Variants in RGS9 observed in about 807,000 individuals in gnomAD.
RGS9 encodes the protein regulator of G protein signaling 9, also known as regulator of G-protein signalling 9.
In RGS9, 78 loss-of-function variants were observed where a neutral mutation model predicts 102.0. The ratio of observed to expected loss-of-function variants is 0.76; its 90% CI spans 0.64 to 0.92. RGS9 has a LOEUF of 0.92. Ranked by LOEUF, RGS9 falls within the 40% of genes least tolerant of loss-of-function variation. The pLI is 0.00. For missense variants in RGS9, 833 were observed against 866.1 expected, an observed-to-expected ratio of 0.96 and a Z score of 0.48; for synonymous variants, 353 against 318.6, an observed-to-expected ratio of 1.11 and a Z score of -1.15.
At chr17:65,155,597 G>A (rs1363358187) in intron 2 of RGS9, among the ~76,000 whole-genome samples, 1 of 152,142 alleles carries the variant, frequency 6.6e-6, no homozygotes, top group Non-Finnish European at 1.5e-5. Context: ...CTGGAGTGCA[G>A]TCATAAAATT....
At chr17:65,220,793 T>C (rs1913680686) in intron 17 of RGS9, among the ~76,000 whole-genome samples, 1 of 152,234 alleles carries the variant, frequency 6.6e-6, no homozygotes, top group Non-Finnish European at 1.5e-5. Flanking sequence ...ATGCCTGTGA[T>C]TGTGTTCTCA....
chr17:65,175,802 T>C (rs1363740374), intron 8 of RGS9, among the ~76,000 whole-genome samples: 1 of 152,222 alleles, frequency 6.6e-6, no homozygotes, highest in Non-Finnish European at 1.5e-5. Context: ...GCTAGGTTGC[T>C]AGATTTAGCA....
At chr17:65,163,441 C>T (rs1284968190) in intron 7 of RGS9, among the ~76,000 whole-genome samples, 2 of 152,046 alleles carry the variant, frequency 1.3e-5, no homozygotes, top group Non-Finnish European at 2.9e-5. Context: ...ATCAGCCTGC[C>T]TCAGTCTCCC....
intron 16 of RGS9, 102 bp from the exon 17 acceptor site, chr17:65,210,386 G>T: frequency 7.2e-7 from 1 of 1,397,594 alleles, no homozygotes. Flanking sequence ...ACAAAATATA[G>T]ATTCTGGACC....
chr17:65,167,804 A>C (rs1351118400), intron 7 of RGS9, among the ~76,000 whole-genome samples: 1 of 152,136 alleles, frequency 6.6e-6, no homozygotes, highest in Admixed American at 6.5e-5. Context: ...TGGTGGCGGC[A>C]ATATGATCTC....
intron 9 of RGS9, among the ~76,000 whole-genome samples, chr17:65,179,462 G>A (rs1050041659): frequency 1.3e-5 from 2 of 151,638 alleles, no homozygotes; most frequent in Non-Finnish European, 2.9e-5. Context: ...TCGAGTAAAA[G>A]ATTGAACCTG....
chr17:65,190,013 C>T lies in RGS9; in HGVS notation c.685-162C>T, dbSNP rs557057741. ...CCACTGATTTGAAGTCTGTGGTCAT[C>T]TGTCCACTGTGGGCCTGACCCACTG... On this transcript the variant is annotated intron_variant, in intron 10 of 18. Coordinates refer to ENST00000262406, the MANE Select transcript of RGS9 (RefSeq NM_003835.4). 2.6e-5 allele frequency among the ~76,000 whole-genome samples: 4 copies of T among 152,194 alleles called. No individual in the cohort carries two copies. The South Asian group carries it at 8.3e-4, about 32-fold the overall frequency.
intron 16 of RGS9, among the ~76,000 whole-genome samples, chr17:65,208,654 T>G (rs1913165847): frequency 6.6e-6 from 1 of 152,110 alleles, no homozygotes; most frequent in Non-Finnish European, 1.5e-5. Context: ...AAATATAAAT[T>G]GAATGGCAGC....
chr17:65,163,850 G>C (rs1911077500), intron 7 of RGS9, among the ~76,000 whole-genome samples: 2 of 152,232 alleles, frequency 1.3e-5, no homozygotes, highest in Non-Finnish European at 2.9e-5. Context: ...ATGGAATTAG[G>C]AAGATGTGAA....
chr17:65,221,521 C>T (rs1402884509), intron 17 of RGS9, among the ~76,000 whole-genome samples: 1 of 152,166 alleles, frequency 6.6e-6, no homozygotes, highest in Non-Finnish European at 1.5e-5. Flanking sequence ...ACAGACCTGG[C>T]CTCAGGTTCT....
intron 1 of RGS9, among the ~76,000 whole-genome samples, chr17:65,147,220 C>T (rs1295298800): frequency 6.6e-6 from 1 of 152,172 alleles, no homozygotes; most frequent in Non-Finnish European, 1.5e-5. Context: ...ATTCTGTGAG[C>T]CGAGAATGTG....
chr17:65,152,371 G>C (rs980004907), intron 1 of RGS9, among the ~76,000 whole-genome samples: 6 of 152,186 alleles, frequency 3.9e-5, no homozygotes, highest in Non-Finnish European at 5.9e-5. Context: ...CGAACATGTA[G>C]ACCAGTAGGG....
In RGS9 at chr17:65,225,866, G is replaced by A. The variant is rs1009124032; in HGVS notation, c.1892+380G>A. The stretch of plus-strand genomic sequence containing the variant: ...CAGTGGGAGCTGCAGGTGTTGGGAT[G>A]CCCTGGGCATGCTTCTGGGTGCTCC... On this transcript the variant is annotated intron_variant, in intron 18 of 18. Coordinates refer to ENST00000262406, the MANE Select transcript of RGS9 (RefSeq NM_003835.4). Among the ~76,000 whole-genome samples the A allele has an allele frequency of 3.3e-5, 5 of 152,218 alleles. No homozygotes were observed. In the East Asian group the frequency reaches 9.6e-4, roughly 29 times the overall value.
chr17:65,182,825 A>T (rs1455587851), intron 9 of RGS9, among the ~76,000 whole-genome samples: 1 of 152,042 alleles, frequency 6.6e-6, no homozygotes, highest in Non-Finnish European at 1.5e-5. Flanking sequence ...GCCGCCCAAG[A>T]CCCCACCCTC....
chr17:65,156,332 T>C (rs1008105085), intron 2 of RGS9, among the ~76,000 whole-genome samples: 1 of 152,176 alleles, frequency 6.6e-6, no homozygotes, highest in African/African-American at 2.4e-5. Context: ...CCAGAGTCCA[T>C]ATTCTTATCT....
intron 17 of RGS9, among the ~76,000 whole-genome samples, chr17:65,222,776 C>T (rs1905413915): frequency 6.6e-6 from 1 of 152,170 alleles, no homozygotes; most frequent in Admixed American, 6.5e-5. Flanking sequence ...GCTTACAGGG[C>T]AGAATAATCT....
chr17:65,140,867 A>G (rs1370301672), intron 1 of RGS9, among the ~76,000 whole-genome samples: 2 of 140,002 alleles, frequency 1.4e-5, no homozygotes, highest in Non-Finnish European at 3.1e-5. Context: ...AGCCTGTGTG[A>G]CAGAGAGAGA....
At chr17:65,168,317 C>T (rs1247240777) in intron 8 of RGS9, 36 bp downstream of exon 8, 1 of 1,421,634 alleles carries the variant, frequency 7.0e-7, no homozygotes, top group Non-Finnish European at 9.8e-7. Flanking sequence ...TCTGTCTCTT[C>T]CTGTGCCTCC....
At chr17:65,177,324 G>GCCAT (rs1247412110) in intron 8 of RGS9, among the ~76,000 whole-genome samples, 33 of 129,810 alleles carry the variant, frequency 2.5e-4, no homozygotes, top group East Asian at 1.7e-3. Flanking sequence ...CATCTGTCTG[G>GCCAT]CCATCCATCC....
Sources: gnomAD v4.1 joint callset for allele counts (sites outside exome capture counted in the v4.1 genomes callset) on GRCh38, gnomAD v4.1.1 for gene constraint, MANE v1.5 for transcripts, NCBI Gene and HGNC (gene_info 2026-07-23, HGNC 2026-07-21) for gene names.